ETV6: variants seen among roughly 807,000 people sequenced by gnomAD.
ETV6 encodes transcription factor ETV6.
In ETV6, 16 loss-of-function variants were observed where a neutral mutation model predicts 51.1. The ratio of observed to expected loss-of-function variants is 0.31; its 90% CI spans 0.21 to 0.48. The LOEUF (loss-of-function observed/expected upper bound fraction) is 0.48. Among genes scored for constraint, ETV6 ranks in the 20% least tolerant of loss-of-function variants. The pLI, the probability that ETV6 is intolerant of heterozygous loss-of-function variation, is 0.99. For synonymous variants in ETV6, 240 were observed against 224.1 expected (o/e 1.07, Z -0.64); for missense variants, 458 against 594.8 (o/e 0.77, Z 2.39).
At chr12:11,790,016 G>C (rs149806096) in intron 2 of ETV6, among the ~76,000 whole-genome samples, 19 of 151,814 alleles carry the variant, frequency 1.3e-4, no homozygotes, top group Non-Finnish European at 2.5e-4. Context: ...TTAGGATGTA[G>C]GTCCAATAAT....
At chr12:11,682,370 G>C (rs565130600) in intron 1 of ETV6, among the ~76,000 whole-genome samples, 53 of 152,266 alleles carry the variant, frequency 3.5e-4, no homozygotes, top group Non-Finnish European at 6.8e-4. Context: ...GTCTTCTTTT[G>C]AGAAGTGTCT....
intron 1 of ETV6, among the ~76,000 whole-genome samples, chr12:11,671,079 C>T (rs116573887): frequency 6.6e-6 from 1 of 152,250 alleles, no homozygotes; most frequent in African/African-American, 2.4e-5. Context: ...GGGACCTCCT[C>T]CTCTCCCCTG....
chr12:11,650,344 T>TCCCC (rs145552837), intron 1 of ETV6, among the ~76,000 whole-genome samples, 184 bp downstream of exon 1: 22 of 127,464 alleles, frequency 1.7e-4, no homozygotes, highest in South Asian at 8.3e-4. Flanking sequence ...ACCTTGCTAC[T>TCCCC]CCCCCCCACC....
At chr12:11,664,492 A>G (rs1452839993) in intron 1 of ETV6, among the ~76,000 whole-genome samples, 3 of 152,158 alleles carry the variant, frequency 2.0e-5, no homozygotes, top group African/African-American at 7.2e-5. Context: ...TACGAACCAC[A>G]GGGGAGAACC....
intron 1 of ETV6, among the ~76,000 whole-genome samples, chr12:11,731,531 GAA>G (rs1237057990): frequency 1.3e-5 from 2 of 152,144 alleles, no homozygotes; most frequent in African/African-American, 4.8e-5. Context: ...CTTAAGAAGA[GAA>G]GAGAAAGAAT....
intron 2 of ETV6, among the ~76,000 whole-genome samples, chr12:11,809,735 C>T (rs1945884321): frequency 1.3e-5 from 2 of 152,098 alleles, no homozygotes; most frequent in Non-Finnish European, 1.5e-5. Context: ...GCACATCTAC[C>T]CTCCCAGTTT....
intron 1 of ETV6, among the ~76,000 whole-genome samples, chr12:11,722,773 G>C (rs1865413954): frequency 6.6e-6 from 1 of 152,202 alleles, no homozygotes; most frequent in African/African-American, 2.4e-5. Context: ...GATCCGGGGA[G>C]GAAGTGATGT....
In ETV6 at chr12:11,895,172, C is replaced by CCA; in HGVS notation, c.*4126_*4127insCA. The CCA allele has an allele frequency of 5.7e-6, 1 of 176,158 alleles. No individual in the cohort carries two copies. The highest frequency in any genetic ancestry group is 1.1e-4 in the East Asian group (1 of 8,766). 10.9% of individuals were successfully genotyped at this position (176,158 alleles called of 1,614,324 possible). A position where few individuals can be genotyped will look rare whatever the true frequency, so the allele number is the denominator to read the frequency against. On this transcript the variant is annotated 3_prime_UTR_variant, in exon 8 of 8. Transcript: ENST00000396373. ...TTCTCTTTGTGACCGCAACCACCTG[C>CCA]AAACCAGAACGACTCTAGAATTTCC...
At chr12:11,833,810 G>GGTGGGGTGTTAAGAGTTGACA (rs1160250248) in intron 2 of ETV6, among the ~76,000 whole-genome samples, 2 of 152,194 alleles carry the variant, frequency 1.3e-5, no homozygotes, top group Non-Finnish European at 2.9e-5. Flanking sequence ...AAAGCACTAT[G>GGTGGGGTGTTAAGAGTTGACA]GTGGGGTGTT....
chr12:11,855,201 G>A (rs924745004), intron 4 of ETV6, among the ~76,000 whole-genome samples: 6 of 152,160 alleles, frequency 3.9e-5, no homozygotes, highest in South Asian at 2.1e-4. Flanking sequence ...AGCTACTTGG[G>A]AGGCTGAGGC....
At chr12:11,817,476 A>G (rs988639904) in intron 2 of ETV6, among the ~76,000 whole-genome samples, 6 of 152,214 alleles carry the variant, frequency 3.9e-5, no homozygotes, top group Admixed American at 2.6e-4. Flanking sequence ...GAACCAAAAA[A>G]TAAATCAGTT....
intron 7 of ETV6, among the ~76,000 whole-genome samples, chr12:11,888,202 C>T (rs992392881): frequency 5.9e-5 from 9 of 152,132 alleles, no homozygotes; most frequent in Non-Finnish European, 1.3e-4. Flanking sequence ...TAATACAGTT[C>T]CCTATGCCAG....
chr12:11,708,358 G>A (rs1565493875), intron 1 of ETV6, among the ~76,000 whole-genome samples: 1 of 152,198 alleles, frequency 6.6e-6, no homozygotes, highest in African/African-American at 2.4e-5. Flanking sequence ...GTCTTCTAAG[G>A]TATTGAACAG....
intron 2 of ETV6, among the ~76,000 whole-genome samples, chr12:11,794,487 G>C (rs1296003468): frequency 6.6e-6 from 1 of 152,208 alleles, no homozygotes; most frequent in East Asian, 1.9e-4. Flanking sequence ...AGACTCAGCT[G>C]TCTGAAGCCT....
chr12:11,726,960 C>T (rs981000433), intron 1 of ETV6, among the ~76,000 whole-genome samples: 10 of 152,188 alleles, frequency 6.6e-5, no homozygotes, highest in Admixed American at 2.0e-4. Context: ...GGTGAGGAAA[C>T]CGAGCTTTGG....
intron 1 of ETV6, among the ~76,000 whole-genome samples, chr12:11,707,612 G>T (rs1327861842): frequency 6.6e-6 from 1 of 152,202 alleles, no homozygotes; most frequent in African/African-American, 2.4e-5. Flanking sequence ...TGTATGGAAA[G>T]AATGATTTTC....
chr12:11,734,015 T>C (rs1476975087), intron 1 of ETV6, among the ~76,000 whole-genome samples: 1 of 152,244 alleles, frequency 6.6e-6, no homozygotes, highest in Non-Finnish European at 1.5e-5. Context: ...CCTCCTCAAG[T>C]ATCTATCCAA....
At chr12:11,710,246 G>A (rs924471410) in intron 1 of ETV6, among the ~76,000 whole-genome samples, 5 of 151,826 alleles carry the variant, frequency 3.3e-5, no homozygotes, top group Admixed American at 6.6e-5. Context: ...TTCAGAGACC[G>A]TTATTCCCTC....
chr12:11,735,847 G>T (rs12310333), intron 1 of ETV6, among the ~76,000 whole-genome samples: 2 of 152,164 alleles, frequency 1.3e-5, no homozygotes, highest in South Asian at 4.1e-4. Flanking sequence ...TGATCCACCC[G>T]CCTTGGCCTC....
Sources: gnomAD v4.1 joint callset for allele counts (sites outside exome capture counted in the v4.1 genomes callset) on GRCh38, gnomAD v4.1.1 for gene constraint, MANE v1.5 for transcripts, NCBI Gene and HGNC (gene_info 2026-07-23, HGNC 2026-07-21) for gene names.